The following HDGFL3 variants were observed in gnomAD, a reference collection of about 807,000 sequenced individuals.
HDGFL3 encodes HDGF like 3.
A neutral mutation model predicts 27.6 loss-of-function variants in HDGFL3; 6 were observed. The observed-to-expected ratio is 0.22, with a 90% CI of 0.12 to 0.43. The LOEUF (loss-of-function observed/expected upper bound fraction) is 0.43, where lower values mean the gene tolerates loss of function less well. Ranked by LOEUF, HDGFL3 falls within the 20% of genes least tolerant of loss-of-function variation. HDGFL3 has a pLI of 1.00. For synonymous variants in HDGFL3, 88 were observed against 88.9 expected (o/e 0.99, Z 0.05); for missense variants, 207 against 250.1 (o/e 0.83, Z 1.16).
chr15:83,199,905 G>A (rs2037619089), intron 1 of HDGFL3, among the ~76,000 whole-genome samples: 1 of 151,696 alleles, frequency 6.6e-6, no homozygotes, highest in African/African-American at 2.4e-5. Flanking sequence ...AATTAGCCGG[G>A]CATGGTGGTG....
At chr15:83,152,990 CTTTTTTTTTTTT>C (rs920789734) in intron 4 of HDGFL3, among the ~76,000 whole-genome samples, 1 of 113,314 alleles carries the variant, frequency 8.8e-6, no homozygotes, top group African/African-American at 3.2e-5. Context: ...ATACGCAGTT[CTTTTTTTTTTTT>C]TTTTTTTTTT....
chr15:83,204,092 G>C (rs1338405419), intron 1 of HDGFL3, among the ~76,000 whole-genome samples: 2 of 150,078 alleles, frequency 1.3e-5, no homozygotes, highest in South Asian at 4.3e-4. Flanking sequence ...AAGGAAGGAG[G>C]AGGACAGGAA....
intron 1 of HDGFL3, among the ~76,000 whole-genome samples, chr15:83,204,812 C>A (rs1281173770): frequency 1.3e-5 from 2 of 152,138 alleles, no homozygotes; most frequent in East Asian, 3.8e-4. Flanking sequence ...ACAGAACATG[C>A]ACAAGGTCAC....
In HDGFL3 at chr15:83,129,612, A is replaced by T. The variant is rs1278401025; in HGVS notation, c.*9658T>A. ...GAAATCCTGTCTGACTCCAAAGCTC[A>T]TATTCTTCTCCATTGTGTTATCTCA... On this transcript the variant is annotated 3_prime_UTR_variant, in exon 6 of 6. Transcript: ENST00000299633. 1 of 152,246 alleles carries T rather than the reference A, an allele frequency of 6.6e-6. No homozygotes were observed. The highest frequency in any genetic ancestry group is 2.4e-5 in the African/African-American group (1 of 41,460). The allele number at this position is 152,246 out of a possible 1,614,324, so 9.4% of individuals were successfully genotyped here.
At chr15:83,181,186 T>G (rs1596562076) in intron 1 of HDGFL3, among the ~76,000 whole-genome samples, 1 of 152,210 alleles carries the variant, frequency 6.6e-6, no homozygotes, top group East Asian at 1.9e-4. Flanking sequence ...GGTCATGATA[T>G]ACCTAGAACT....
intron 2 of HDGFL3, among the ~76,000 whole-genome samples, chr15:83,161,797 T>C (rs901640834): frequency 3.3e-5 from 5 of 152,128 alleles, no homozygotes; most frequent in Non-Finnish European, 5.9e-5. Context: ...CCCCTCTCAA[T>C]TGGTTAATTG....
At chr15:83,160,200 T>A (rs1450834828) in intron 2 of HDGFL3, among the ~76,000 whole-genome samples, 1 of 152,098 alleles carries the variant, frequency 6.6e-6, no homozygotes, top group African/African-American at 2.4e-5. Context: ...GGTTTTTTTT[T>A]TTTTTGAGAC....
chr15:83,144,671 T>C (rs1322390712), intron 5 of HDGFL3: 2 of 376,134 alleles, frequency 5.3e-6, no homozygotes, highest in Non-Finnish European at 1.0e-5. Context: ...TGAGTGATCT[T>C]AGAAGAGGAT....
chr15:83,140,481 GTTT>G (rs11429826), intron 5 of HDGFL3, among the ~76,000 whole-genome samples: 3 of 135,752 alleles, frequency 2.2e-5, no homozygotes, highest in Admixed American at 7.7e-5. Flanking sequence ...ACCAAAGAAA[GTTT>G]TTTTTTTTTT....
chr15:83,199,844 C>G (rs1464540436), intron 1 of HDGFL3, among the ~76,000 whole-genome samples: 7 of 150,810 alleles, frequency 4.6e-5, no homozygotes, highest in African/African-American at 1.7e-4. Context: ...AGTTCAAGAT[C>G]AGCCTGGCCT....
chr15:83,149,850 C>T (rs1414616121), intron 5 of HDGFL3, among the ~76,000 whole-genome samples: 1 of 151,986 alleles, frequency 6.6e-6, no homozygotes, highest in East Asian at 1.9e-4. Context: ...GGGAAGGAGC[C>T]AGTGGAAAAG....
intron 1 of HDGFL3, among the ~76,000 whole-genome samples, chr15:83,201,415 T>C (rs2037644777): frequency 6.6e-6 from 1 of 152,192 alleles, no homozygotes; most frequent in Non-Finnish European, 1.5e-5. Flanking sequence ...TGCAAGTGAT[T>C]AGAACACCTT....
chr15:83,168,301 CA>C, intron 1 of HDGFL3, among the ~76,000 whole-genome samples: 1 of 140,672 alleles, frequency 7.1e-6, no homozygotes, highest in South Asian at 2.2e-4. Flanking sequence ...AAAGAAATAC[CA>C]AAATCAGAGT....
At chr15:83,113,232 A>C (rs1295830521) in exon 4 of HDGFL3, 8 of 397,794 alleles carry the variant, frequency 2.0e-5, no homozygotes, top group Non-Finnish European at 3.8e-5. Flanking sequence ...GCCTGCTACT[A>C]GCAGTCCCCC....
At position 83,135,533 on chromosome 15, in the gene HDGFL3, T is replaced by G. The variant is rs1023591842; in HGVS notation, c.*3737A>C. 4 of 152,226 alleles carry G rather than the reference T, an allele frequency of 2.6e-5. No individual in the cohort carries two copies. The highest frequency in any genetic ancestry group is 5.9e-5 in the Non-Finnish European group (4 of 68,046). 9.4% of individuals were successfully genotyped at this position (152,226 alleles called of 1,614,324 possible). On this transcript the variant is annotated 3_prime_UTR_variant, in exon 6 of 6. Coordinates refer to ENST00000299633, the MANE Select transcript of HDGFL3 (RefSeq NM_016073.4). Reference sequence around the variant, plus strand: ...TGAAAATGCAGACTCCAGGGGTACATTTTGTAATGATACAAGCCTTCTGAG... The same window carrying G: ...TGAAAATGCAGACTCCAGGGGTACAGTTTGTAATGATACAAGCCTTCTGAG...
intron 1 of HDGFL3, among the ~76,000 whole-genome samples, chr15:83,176,076 A>G (rs1386543552): frequency 1.3e-5 from 2 of 152,210 alleles, no homozygotes; most frequent in Non-Finnish European, 2.9e-5. Context: ...TTTGCCTTGT[A>G]GAGGAACACG....
downstream of HDGFL3, chr15:83,124,928 G>C: frequency 1.5e-6 from 1 of 647,836 alleles, no homozygotes; most frequent in Non-Finnish European, 2.6e-6. Context: ...CCCTGGACCT[G>C]CTTCCTGCTG....
At chr15:83,187,755 G>A (rs376430248) in intron 1 of HDGFL3, among the ~76,000 whole-genome samples, 1 of 152,210 alleles carries the variant, frequency 6.6e-6, no homozygotes, top group East Asian at 1.9e-4. Context: ...CGACATGGTG[G>A]CACATGCCTG....
chr15:83,161,355 C>G (rs2177264), intron 2 of HDGFL3, among the ~76,000 whole-genome samples: 1 of 152,138 alleles, frequency 6.6e-6, no homozygotes, highest in African/African-American at 2.4e-5. Context: ...GAGACGGGAT[C>G]TCACTATATT....
Sources: gnomAD v4.1 joint callset for allele counts (sites outside exome capture counted in the v4.1 genomes callset) on GRCh38, gnomAD v4.1.1 for gene constraint, MANE v1.5 for transcripts, NCBI Gene and HGNC (gene_info 2026-07-23, HGNC 2026-07-21) for gene names.